The following CA1 variants were observed in gnomAD, a reference collection of about 807,000 sequenced individuals.
The protein encoded by CA1 is carbonic anhydrase 1.
Under a neutral mutation model 28.8 loss-of-function variants are expected in CA1, and 27 were observed. The ratio of observed to expected loss-of-function variants is 0.94; its 90% CI spans 0.69 to 1.29. The LOEUF (loss-of-function observed/expected upper bound fraction) is 1.29. Ranked by LOEUF, CA1 falls within the 50% of genes most tolerant of loss-of-function variation. The pLI, the probability that CA1 is intolerant of heterozygous loss-of-function variation, is 0.00. For missense variants in CA1, 335 were observed against 310.5 expected, an observed-to-expected ratio of 1.08 and a Z score of -0.59; for synonymous variants, 121 against 108.8, an observed-to-expected ratio of 1.11 and a Z score of -0.70.
chr8:85,358,105 G>A, intron 1 of CA1, among the ~76,000 whole-genome samples: 1 of 152,190 alleles, frequency 6.6e-6, no homozygotes, highest in East Asian at 1.9e-4. Flanking sequence ...AAATTGTGGT[G>A]AATTTTCTAA....
chr8:85,370,056 A>G (rs769661022), intron 1 of CA1, among the ~76,000 whole-genome samples: 1 of 152,122 alleles, frequency 6.6e-6, no homozygotes, highest in African/African-American at 2.4e-5. Flanking sequence ...AATGGGGGGG[A>G]AGTTGAACCA....
At chr8:85,345,798 G>A (rs1684627606) in intron 1 of CA1, among the ~76,000 whole-genome samples, 1 of 152,062 alleles carries the variant, frequency 6.6e-6, no homozygotes, top group Admixed American at 6.6e-5. Context: ...TTAATGGGAG[G>A]AATGAAGTGA....
At chr8:85,334,722 G>A (rs773919599) in intron 4 of CA1, among the ~76,000 whole-genome samples, 1 of 150,848 alleles carries the variant, frequency 6.6e-6, no homozygotes, top group African/African-American at 2.4e-5. Context: ...TTTAAAAACA[G>A]TATCTCACGC....
intron 1 of CA1, among the ~76,000 whole-genome samples, chr8:85,360,806 A>C (rs994431456): frequency 2.0e-5 from 3 of 152,230 alleles, no homozygotes; most frequent in African/African-American, 4.8e-5. Flanking sequence ...GAAATCTAGG[A>C]GTCCTCTTTG....
intron 3 of CA1, 65 bp downstream of exon 3, chr8:85,338,187 C>A (rs1244335178): frequency 7.8e-7 from 1 of 1,276,486 alleles, no homozygotes; most frequent in Non-Finnish European, 1.1e-6. Flanking sequence ...ATTTCTCGAG[C>A]ACTATTTTTT....
At chr8:85,337,974 T>G in intron 3 of CA1, 1 of 550,482 alleles carries the variant, frequency 1.8e-6, no homozygotes, top group South Asian at 1.8e-5. Context: ...ATGCTGTTTA[T>G]TCAGAGACAG....
At chr8:85,361,876 C>CA (rs1809809210) in intron 1 of CA1, among the ~76,000 whole-genome samples, 1 of 152,094 alleles carries the variant, frequency 6.6e-6, no homozygotes, top group Non-Finnish European at 1.5e-5. Context: ...ATGCAAGTTA[C>CA]CTTCTCTGGG....
chr8:85,344,081 G>GTATATATATATATATA (rs56308220), intron 1 of CA1, among the ~76,000 whole-genome samples: 3 of 128,572 alleles, frequency 2.3e-5, no homozygotes, highest in Non-Finnish European at 4.8e-5. Flanking sequence ...TAAACTAAAA[G>GTATATATATATATATA]TATATATATA....
At chr8:85,376,707 A>AAATC (rs1810433771) in intron 1 of CA1, among the ~76,000 whole-genome samples, 1 of 144,178 alleles carries the variant, frequency 6.9e-6, no homozygotes, top group African/African-American at 2.7e-5. Context: ...ATAAATAAAT[A>AAATC]AAACTAGGTA....
chr8:85,358,486 C>T (rs1016799795), intron 1 of CA1, among the ~76,000 whole-genome samples: 2 of 152,088 alleles, frequency 1.3e-5, no homozygotes, highest in African/African-American at 4.8e-5. Flanking sequence ...GGATTTTGTC[C>T]AGTGTCTGAG....
chr8:85,332,475 A>AT lies in CA1; in HGVS notation c.513+14dup, dbSNP rs1478448135. 1.9e-6 allele frequency: 3 copies of AT among 1,596,748 alleles called. No individual in the cohort carries two copies. In the African/African-American group the frequency reaches 4.0e-5, roughly 21 times the overall value. ...TCTTGTTCTCTGATTTAAACTACTT[A>AT]TTTAGTGTGTTTACCTTGGTTTTAA... On this transcript the variant is annotated intron_variant, in intron 6 of 7. Coordinates refer to ENST00000523022, the MANE Select transcript of CA1 (RefSeq NM_001128831.4).
chr8:85,328,772 G>A, intron 7 of CA1, 96 bp from the exon 8 acceptor site: 1 of 709,318 alleles, frequency 1.4e-6, no homozygotes, highest in South Asian at 1.8e-5. Context: ...TTAGAAAACT[G>A]AGTTAGAAAT....
chr8:85,330,951 GT>G (rs1055446689), intron 6 of CA1, among the ~76,000 whole-genome samples: 2 of 151,994 alleles, frequency 1.3e-5, no homozygotes, highest in African/African-American at 4.8e-5. Context: ...TTCATACCTG[GT>G]TTTGGTATCA....
intron 1 of CA1, among the ~76,000 whole-genome samples, chr8:85,359,717 C>G (rs1254894353): frequency 2.0e-5 from 3 of 152,188 alleles, no homozygotes; most frequent in Non-Finnish European, 4.4e-5. Flanking sequence ...AGAAGCTGCT[C>G]ACAACAGTCT....
chr8:85,354,130 AT>A (rs111936911), intron 1 of CA1, among the ~76,000 whole-genome samples: 2,789 of 137,696 alleles, frequency 0.02, 57 homozygotes, highest in African/African-American at 0.061. Flanking sequence ...CACCCAGCTA[AT>A]TTTTTTTTTT....
In CA1 at chr8:85,372,946, A is replaced by C. The variant is rs1810283315; in HGVS notation, c.-25+5100T>G. On this transcript the variant is annotated intron_variant, in intron 1 of 7. Transcript: ENST00000523022. ...TTATTTTACTTCATAATGGCCCCAA[A>C]GCCCAAGACTTGTGATGCTGGTAAT... Among the ~76,000 whole-genome samples the C allele has an allele frequency of 2.0e-5, 3 of 152,320 alleles. No homozygotes were observed. In the South Asian group the frequency reaches 6.2e-4, roughly 32 times the overall value.
chr8:85,354,849 A>G (rs1306892162), intron 1 of CA1, among the ~76,000 whole-genome samples: 2 of 152,204 alleles, frequency 1.3e-5, no homozygotes, highest in Non-Finnish European at 2.9e-5. Flanking sequence ...CTTTTCTGGA[A>G]GCTAGATTTA....
intron 2 of CA1, among the ~76,000 whole-genome samples, chr8:85,338,991 C>T (rs533068082): frequency 9.9e-5 from 15 of 152,160 alleles, no homozygotes; most frequent in African/African-American, 3.6e-4. Context: ...GCTGGGATTA[C>T]AAGCATGAGC....
At chr8:85,350,636 CCAT>C (rs1235706177) in intron 1 of CA1, among the ~76,000 whole-genome samples, 2 of 152,122 alleles carry the variant, frequency 1.3e-5, no homozygotes, top group Non-Finnish European at 2.9e-5. Flanking sequence ...CCTCAGTTTT[CCAT>C]CATCACCCAG....
Sources: allele counts gnomAD v4.1 joint callset (sites outside exome capture counted in the v4.1 genomes callset), GRCh38; gene constraint gnomAD v4.1.1; transcripts MANE v1.5; gene names NCBI Gene and HGNC (gene_info 2026-07-23, HGNC 2026-07-21).